Variants in ATP8A2 observed in about 807,000 individuals in gnomAD.
ATP8A2 encodes the protein phospholipid-transporting ATPase IB.
In ATP8A2, 100 loss-of-function variants were observed where a neutral mutation model predicts 165.6. The observed-to-expected ratio is 0.60, with a 90% CI of 0.51 to 0.71. The LOEUF is 0.71. Among genes scored for constraint, ATP8A2 ranks in the 30% least tolerant of loss-of-function variants. ATP8A2 has a pLI of 0.00. For synonymous variants in ATP8A2, 543 were observed against 548.8 expected (o/e 0.99, Z 0.15); for missense variants, 1,227 against 1,479.5 (o/e 0.83, Z 2.80).
intron 2 of ATP8A2, among the ~76,000 whole-genome samples, chr13:25,499,190 T>C (rs1384813675): frequency 1.3e-5 from 2 of 152,194 alleles, no homozygotes; most frequent in Non-Finnish European, 2.9e-5. Flanking sequence ...TAGTGTATAG[T>C]AACCCTCACT....
chr13:25,686,550 T>G (rs1488720300), intron 24 of ATP8A2, among the ~76,000 whole-genome samples: 1 of 152,144 alleles, frequency 6.6e-6, no homozygotes, highest in Non-Finnish European at 1.5e-5. Context: ...GAACATGGGC[T>G]CAGAACTCCC....
intron 24 of ATP8A2, among the ~76,000 whole-genome samples, chr13:25,659,846 T>A (rs181634315): frequency 9.8e-4 from 149 of 152,330 alleles, no homozygotes; most frequent in African/African-American, 3.4e-3. Context: ...ATTTGGCAGC[T>A]GTGCCTTTAG....
At position 26,012,674 on chromosome 13, in the gene ATP8A2, G is replaced by C. The variant is rs182612570; in HGVS notation, c.3469+52G>C. Reference sequence around the variant, plus strand: ...GAGGAGTGGGTGTCGGTGCGGGGCGGGGGTTGATGAGGAGTTGGGGGAGCG... The same window carrying C: ...GAGGAGTGGGTGTCGGTGCGGGGCGCGGGTTGATGAGGAGTTGGGGGAGCG... On this transcript the variant is annotated intron_variant, in intron 36 of 36. Transcript: ENST00000381655. The C allele has an allele frequency of 2.0e-3, 2,535 of 1,296,830 alleles. 127 individuals are homozygous for C. The Admixed American group carries it at 0.081, about 41-fold the overall frequency. The allele number at this position is 1,296,830 out of a possible 1,614,324, so 80.3% of individuals were successfully genotyped here. A position where few individuals can be genotyped will look rare whatever the true frequency, so the allele number is the denominator to read the frequency against.
chr13:26,002,590 T>C lies in ATP8A2; in HGVS notation c.3378-9941T>C, dbSNP rs921890417. On this transcript the variant is annotated intron_variant, in intron 35 of 36. Transcript: ENST00000381655. ...AAAAAAAAAAAAAACTCACTCCTTT[T>C]GTCTAATTGAAATTTTGTACCCTTT... Among the ~76,000 whole-genome samples the C allele has an allele frequency of 8.6e-5, 13 of 151,868 alleles. 1 individual carries two copies. In the South Asian group the frequency reaches 1.9e-3, roughly 22 times the overall value.
chr13:25,949,453 C>T (rs1007060288), intron 33 of ATP8A2, among the ~76,000 whole-genome samples: 40 of 152,224 alleles, frequency 2.6e-4, no homozygotes, highest in Admixed American at 2.1e-3. Context: ...CTCTCCTGGA[C>T]GGGCATACCT....
chr13:25,403,145 A>C (rs1465408438), intron 1 of ATP8A2, among the ~76,000 whole-genome samples: 1 of 152,210 alleles, frequency 6.6e-6, no homozygotes, highest in Non-Finnish European at 1.5e-5. Flanking sequence ...GGACACAAGC[A>C]TTCCGACCAC....
chr13:26,008,101 G>T (rs948661783), intron 35 of ATP8A2, among the ~76,000 whole-genome samples: 34 of 152,036 alleles, frequency 2.2e-4, no homozygotes, highest in African/African-American at 8.2e-4. Context: ...AACCCACAGG[G>T]CCCTAGCAGA....
At chr13:25,561,715 C>T (rs1234667850) in intron 15 of ATP8A2, among the ~76,000 whole-genome samples, 5 of 152,070 alleles carry the variant, frequency 3.3e-5, no homozygotes, top group Admixed American at 6.6e-5. Flanking sequence ...TGCAGCCATC[C>T]GCACCATTCA....
intron 24 of ATP8A2, among the ~76,000 whole-genome samples, chr13:25,601,976 A>G (rs188085978): frequency 1.3e-5 from 2 of 152,248 alleles, no homozygotes; most frequent in Non-Finnish European, 2.9e-5. Flanking sequence ...TTTCAAGGTT[A>G]TTGCTAAAAT....
Position 25,530,543 on chromosome 13 carries a change from G to A in ATP8A2, c.322-19G>A, listed in dbSNP as rs960485428. On this transcript the variant is annotated intron_variant, in intron 3 of 36. Coordinates refer to ENST00000381655, the MANE Select transcript of ATP8A2 (RefSeq NM_016529.6). ...TTTTTAATGTGCCAACTTCCTACTT[G>A]TGGTCTCTTATCTTCCAGCAAATTC... The A allele has an allele frequency of 1.7e-5, 24 of 1,441,290 alleles. No individual in the cohort carries two copies. The highest frequency in any genetic ancestry group is 2.0e-5 in the Non-Finnish European group (21 of 1,039,818). The allele number at this position is 1,441,290 out of a possible 1,614,324, so 89.3% of individuals were successfully genotyped here. A position where few individuals can be genotyped will look rare whatever the true frequency, so the allele number is the denominator to read the frequency against.
rs182078976 is a variant in ATP8A2 at position 25,806,243 on chromosome 13, A to G, written c.2680-21875A>G. Among the ~76,000 whole-genome samples the G allele has an allele frequency of 2.0e-5, 3 of 152,278 alleles. No homozygotes were observed. In the East Asian group the frequency reaches 5.8e-4, roughly 29 times the overall value. ...GAATATTTTTGGGTTAGGAAGTAAC[A>G]GGTTCATTTGTGCAAGCGTATTTGG... On this transcript the variant is annotated intron_variant, in intron 27 of 36. Coordinates refer to ENST00000381655, the MANE Select transcript of ATP8A2 (RefSeq NM_016529.6).
intron 2 of ATP8A2, among the ~76,000 whole-genome samples, chr13:25,515,789 G>C (rs1000868792): frequency 2.0e-5 from 3 of 152,176 alleles, no homozygotes; most frequent in Non-Finnish European, 4.4e-5. Flanking sequence ...GCACATAACA[G>C]ACCTATTTAA....
chr13:25,481,200 A>T (rs1265593047), intron 2 of ATP8A2, among the ~76,000 whole-genome samples: 3 of 148,432 alleles, frequency 2.0e-5, no homozygotes, highest in African/African-American at 7.7e-5. Context: ...GGACAGGGAG[A>T]GGAACAGGGA....
chr13:25,890,588 A>G lies in ATP8A2; in HGVS notation c.3183+28180A>G, dbSNP rs144161992. Among the ~76,000 whole-genome samples the G allele has an allele frequency of 1.5e-3, 231 of 152,310 alleles. 3 individuals carry two copies. Among genetic ancestry groups the G allele is most frequent in the African/African-American group, 5.3e-3 (222 of 41,586 alleles). The stretch of plus-strand genomic sequence containing the variant: ...CATTTGTAACTAAAGTCTCTATCAG[A>G]CAGAAGTGCATACTGGGGTTTTAGA... On this transcript the variant is annotated intron_variant, in intron 33 of 36. Transcript: ENST00000381655.
chr13:25,952,528 A>G (rs1271400842), intron 33 of ATP8A2, among the ~76,000 whole-genome samples: 1 of 152,030 alleles, frequency 6.6e-6, no homozygotes, highest in Non-Finnish European at 1.5e-5. Context: ...CTACAAGCGC[A>G]CTACCACACC....
At chr13:25,911,701 G>A (rs1954111560) in intron 33 of ATP8A2, among the ~76,000 whole-genome samples, 1 of 152,150 alleles carries the variant, frequency 6.6e-6, no homozygotes, top group Admixed American at 6.5e-5. Flanking sequence ...AAAACACAAG[G>A]TTTATTTCCA....
At chr13:25,939,906 G>A (rs1190737015) in intron 33 of ATP8A2, among the ~76,000 whole-genome samples, 4 of 152,202 alleles carry the variant, frequency 2.6e-5, no homozygotes, top group Admixed American at 1.3e-4. Context: ...CACTTGTGTA[G>A]GTGGGACATT....
intron 24 of ATP8A2, among the ~76,000 whole-genome samples, chr13:25,688,739 G>GC (rs1337906444): frequency 6.6e-6 from 1 of 152,230 alleles, no homozygotes; most frequent in African/African-American, 2.4e-5. Flanking sequence ...TGCTGGCAGG[G>GC]CTTTCAAGAA....
At chr13:25,574,608 T>C (rs2039562892) in intron 18 of ATP8A2, among the ~76,000 whole-genome samples, 200 bp from the exon 19 acceptor site, 1 of 152,166 alleles carries the variant, frequency 6.6e-6, no homozygotes, top group Admixed American at 6.5e-5. Flanking sequence ...CTGTTAGCAC[T>C]GAAGAAACGT....
Sources: allele counts gnomAD v4.1 joint callset (sites outside exome capture counted in the v4.1 genomes callset), GRCh38; gene constraint gnomAD v4.1.1; transcripts MANE v1.5; gene names NCBI Gene and HGNC (gene_info 2026-07-23, HGNC 2026-07-21).